EPHA6: variants seen among roughly 807,000 people sequenced by gnomAD.
The protein encoded by EPHA6 is ephrin type-A receptor 6.
EPHA6 carries 50 observed loss-of-function variants against 112.0 expected under a neutral mutation model. The observed-to-expected ratio is 0.45, with a 90% confidence interval of 0.36 to 0.56. The LOEUF is 0.56. Ranked by LOEUF, EPHA6 falls within the 20% of genes least tolerant of loss-of-function variation. The pLI is 0.00. For missense variants in EPHA6, 1,280 were observed against 1,417.4 expected, an observed-to-expected ratio of 0.90 and a Z score of 1.56; for synonymous variants, 529 against 490.7, an observed-to-expected ratio of 1.08 and a Z score of -1.03.
At chr3:97,478,158 A>C (rs1316997861) in intron 8 of EPHA6, among the ~76,000 whole-genome samples, 1 of 152,124 alleles carries the variant, frequency 6.6e-6, no homozygotes, top group Non-Finnish European at 1.5e-5. Flanking sequence ...ATAATGATTC[A>C]CTATATTGCA....
intron 3 of EPHA6, among the ~76,000 whole-genome samples, chr3:97,139,605 GC>G (rs2075848137): frequency 6.6e-6 from 1 of 152,062 alleles, no homozygotes; most frequent in African/African-American, 2.4e-5. Flanking sequence ...CAGAGACTTG[GC>G]CCACTAACAG....
At chr3:97,446,009 C>T (rs2090331902) in intron 6 of EPHA6, among the ~76,000 whole-genome samples, 1 of 152,148 alleles carries the variant, frequency 6.6e-6, no homozygotes, top group Non-Finnish European at 1.5e-5. Context: ...ATCTCAATGG[C>T]TCTGTGGCAA....
chr3:96,897,551 A>G (rs889568769), intron 2 of EPHA6, among the ~76,000 whole-genome samples: 1 of 152,222 alleles, frequency 6.6e-6, no homozygotes, highest in Admixed American at 6.5e-5. Context: ...TGCAGTCTTC[A>G]TTTAATGTCC....
At chr3:97,137,846 A>C (rs2075802449) in intron 3 of EPHA6, among the ~76,000 whole-genome samples, 1 of 152,150 alleles carries the variant, frequency 6.6e-6, no homozygotes, top group South Asian at 2.1e-4. Flanking sequence ...AAGTATAATA[A>C]AAATAAAAAT....
intron 3 of EPHA6, among the ~76,000 whole-genome samples, chr3:97,136,419 TA>T (rs2075770936): frequency 6.6e-6 from 1 of 152,046 alleles, no homozygotes; most frequent in African/African-American, 2.4e-5. Flanking sequence ...AAAGGCTGAA[TA>T]AAGAAGTGAA....
chr3:97,706,272 T>C (rs2033671274), intron 14 of EPHA6, among the ~76,000 whole-genome samples: 1 of 152,104 alleles, frequency 6.6e-6, no homozygotes, highest in Non-Finnish European at 1.5e-5. Flanking sequence ...AAAACACTCA[T>C]TTACACCACT....
intron 1 of EPHA6, among the ~76,000 whole-genome samples, chr3:96,828,289 T>C (rs1005499781): frequency 6.6e-6 from 1 of 152,022 alleles, no homozygotes; most frequent in East Asian, 1.9e-4. Flanking sequence ...CTAAAATGAG[T>C]TCCTAATTCC....
chr3:97,128,473 A>G (rs897032171), intron 3 of EPHA6, among the ~76,000 whole-genome samples: 1 of 152,150 alleles, frequency 6.6e-6, no homozygotes, highest in Non-Finnish European at 1.5e-5. Context: ...TTTGGGGCAT[A>G]GAAGCATTCT....
At chr3:97,642,964 A>G (rs1056168826) in intron 14 of EPHA6, among the ~76,000 whole-genome samples, 1 of 150,494 alleles carries the variant, frequency 6.6e-6, no homozygotes, top group Admixed American at 6.6e-5. Context: ...CTCCTCGAGA[A>G]GAGCAACCCC....
chr3:97,203,675 G>C (rs2077637576), intron 3 of EPHA6, among the ~76,000 whole-genome samples: 1 of 151,944 alleles, frequency 6.6e-6, no homozygotes, highest in African/African-American at 2.4e-5. Flanking sequence ...TCAGGAGTCA[G>C]GAGTCTTGAA....
chr3:97,739,066 G>A (rs1191181425), intron 16 of EPHA6, among the ~76,000 whole-genome samples: 1 of 152,024 alleles, frequency 6.6e-6, no homozygotes, highest in Non-Finnish European at 1.5e-5. Context: ...ATTACCTAAA[G>A]AATGCCTGTT....
At chr3:97,277,573 T>C (rs925321911) in intron 5 of EPHA6, among the ~76,000 whole-genome samples, 5 of 152,154 alleles carry the variant, frequency 3.3e-5, no homozygotes, top group Admixed American at 6.5e-5. Flanking sequence ...TCCATATAGG[T>C]TATATGGTAT....
chr3:97,463,002 A>G (rs917805522), intron 7 of EPHA6, among the ~76,000 whole-genome samples: 16 of 152,286 alleles, frequency 1.1e-4, no homozygotes, highest in African/African-American at 3.8e-4. Flanking sequence ...AGTCCCAAAC[A>G]TATATATAAC....
chr3:97,745,444 G>A (rs545916759), intron 16 of EPHA6: 1 of 436,226 alleles, frequency 2.3e-6, no homozygotes, highest in South Asian at 1.7e-5. Flanking sequence ...CAGGAAAAAA[G>A]AATGCAGCTT....
chr3:96,869,691 G>A (rs1309514686), intron 2 of EPHA6, among the ~76,000 whole-genome samples: 1 of 152,002 alleles, frequency 6.6e-6, no homozygotes. Context: ...TGTTTAATGT[G>A]TACATAGTGG....
chr3:97,073,579 A>C (rs1465678853), intron 3 of EPHA6, among the ~76,000 whole-genome samples: 1 of 152,144 alleles, frequency 6.6e-6, no homozygotes, highest in Non-Finnish European at 1.5e-5. Flanking sequence ...ATTTAAAACT[A>C]AATTTGTTAA....
At chr3:97,461,145 G>A (rs977274026) in intron 7 of EPHA6, among the ~76,000 whole-genome samples, 1 of 152,090 alleles carries the variant, frequency 6.6e-6, no homozygotes, top group Admixed American at 6.6e-5. Context: ...CCTGACTTTG[G>A]TCTTGAAGAA....
At chr3:97,389,365 A>G (rs1487715537) in intron 5 of EPHA6, among the ~76,000 whole-genome samples, 2 of 151,006 alleles carry the variant, frequency 1.3e-5, no homozygotes, top group Non-Finnish European at 3.0e-5. Flanking sequence ...TGCACATGTC[A>G]GATATTTATA....
intron 3 of EPHA6, among the ~76,000 whole-genome samples, chr3:97,142,330 A>T (rs2075930283): frequency 6.6e-6 from 1 of 151,946 alleles, no homozygotes; most frequent in Non-Finnish European, 1.5e-5. Flanking sequence ...GAGTGTGTTT[A>T]TGTAAAATTT....
Sources: gnomAD v4.1 joint callset for allele counts (sites outside exome capture counted in the v4.1 genomes callset) on GRCh38, gnomAD v4.1.1 for gene constraint, MANE v1.5 for transcripts, NCBI Gene and HGNC (gene_info 2026-07-23, HGNC 2026-07-21) for gene names.